Variants in ZPLD1 observed in about 807,000 individuals in gnomAD.
ZPLD1 encodes the protein zona pellucida like domain containing 1.
In ZPLD1, 34 loss-of-function variants were observed where a neutral mutation model predicts 47.2. That is an observed-to-expected ratio of 0.72 (90% CI 0.55 to 0.96). ZPLD1 has a LOEUF of 0.96. ZPLD1 is among the 40% of genes least tolerant of loss of function. The probability of loss-of-function intolerance (pLI) is 0.00; values close to 1 mark genes in which losing one functional copy is unlikely to be tolerated. For missense variants in ZPLD1, 512 were observed against 505.8 expected (o/e 1.01, Z -0.12); for synonymous variants, 176 against 186.2 (o/e 0.95, Z 0.45).
chr3:102,455,174 TTACTC>T (rs1398449412), intron 4 of ZPLD1, among the ~76,000 whole-genome samples: 3 of 152,220 alleles, frequency 2.0e-5, no homozygotes, highest in Non-Finnish European at 4.4e-5. Flanking sequence ...TGCATAAAGT[TTACTC>T]TATTGTTGAA....
chr3:102,398,741 T>G (rs556310917), intron 7 of ZPLD1, among the ~76,000 whole-genome samples: 73 of 152,288 alleles, frequency 4.8e-4, no homozygotes, highest in African/African-American at 1.7e-3. Context: ...GTAAAGATCA[T>G]GCCTTTTAAA....
chr3:102,429,242 C>G (rs1307908725), intron 8 of ZPLD1, among the ~76,000 whole-genome samples: 2 of 152,146 alleles, frequency 1.3e-5, no homozygotes, highest in Non-Finnish European at 2.9e-5. Context: ...ACACATTACC[C>G]AATTCTCTCT....
chr3:102,424,808 C>T (rs982198975), intron 8 of ZPLD1, among the ~76,000 whole-genome samples: 2 of 152,180 alleles, frequency 1.3e-5, no homozygotes, highest in African/African-American at 4.8e-5. Context: ...TCTATTTGCT[C>T]CTATACTATG....
At chr3:102,476,357 A>G (rs1485678039) in intron 10 of ZPLD1, among the ~76,000 whole-genome samples, 1 of 152,178 alleles carries the variant, frequency 6.6e-6, no homozygotes, top group Non-Finnish European at 1.5e-5. Context: ...TTGGGAAATC[A>G]AGTAATATGT....
At chr3:102,391,902 T>A (rs989687273) in intron 6 of ZPLD1, among the ~76,000 whole-genome samples, 1 of 152,150 alleles carries the variant, frequency 6.6e-6, no homozygotes, top group Admixed American at 6.6e-5. Context: ...ATGTGCAGGC[T>A]AAATAGTCTC....
chr3:102,433,671 C>A (rs1212898614), upstream of ZPLD1, among the ~76,000 whole-genome samples: 2 of 152,148 alleles, frequency 1.3e-5, no homozygotes, highest in Non-Finnish European at 2.9e-5. Context: ...GGGACTAAGG[C>A]ACCCGCCACC....
chr3:102,438,332 C>T (rs934503556), intron 2 of ZPLD1, 148 bp from the exon 3 acceptor site: 35 of 574,406 alleles, frequency 6.1e-5, no homozygotes, highest in African/African-American at 1.3e-4. Flanking sequence ...CCTTTACTAC[C>T]GATAATCCTC....
At chr3:102,440,175 C>G (rs896305613) in intron 3 of ZPLD1, among the ~76,000 whole-genome samples, 1 of 152,182 alleles carries the variant, frequency 6.6e-6, no homozygotes, top group Admixed American at 6.5e-5. Context: ...AATCAAGAGT[C>G]ACTGAGTCTT....
At chr3:102,450,918 T>A (rs1707328186) in intron 3 of ZPLD1, among the ~76,000 whole-genome samples, 1 of 152,240 alleles carries the variant, frequency 6.6e-6, no homozygotes, top group Non-Finnish European at 1.5e-5. Flanking sequence ...GTTGCCGAAG[T>A]ATGAAGATAC....
In ZPLD1 at chr3:102,453,151, G is replaced by C; in HGVS notation, c.327+12G>C. On this transcript the variant is annotated intron_variant, in intron 4 of 11. Transcript: ENST00000466937. Reference sequence around the variant, plus strand: ...GAAACAACCTGGTGGTAAGATTAGTGTGACATTGTGTGCTAGGTCTGGGGT... The same window carrying C: ...GAAACAACCTGGTGGTAAGATTAGTCTGACATTGTGTGCTAGGTCTGGGGT... 6.2e-7 allele frequency: 1 copy of C among 1,609,280 alleles called. No homozygotes were observed. The highest frequency in any genetic ancestry group is 8.5e-7 in the Non-Finnish European group (1 of 1,175,868).
rs539170522 is a variant in ZPLD1 at position 102,408,243 on chromosome 3, A to G, written c.-156-9817A>G. Reference sequence around the variant, plus strand: ...TTACCCTTCTAGACCTTATGTTTCAATTCTAGAAGGAGAAAAAGGGAAAAA... The same window carrying G: ...TTACCCTTCTAGACCTTATGTTTCAGTTCTAGAAGGAGAAAAAGGGAAAAA... On this transcript the variant is annotated intron_variant, in intron 7 of 17. Transcript: ENST00000491959. Among the ~76,000 whole-genome samples, 13 of 151,842 alleles carry G rather than the reference A, an allele frequency of 8.6e-5. No individual in the cohort carries two copies. In the South Asian group the frequency reaches 1.9e-3, roughly 22 times the overall value.
intron 7 of ZPLD1, among the ~76,000 whole-genome samples, chr3:102,416,894 C>G (rs1343390123): frequency 1.3e-5 from 2 of 151,886 alleles, no homozygotes; most frequent in African/African-American, 2.4e-5. Flanking sequence ...AGCTCTCACT[C>G]AACACTAAAC....
chr3:102,472,062 CA>C (rs1707693730), intron 10 of ZPLD1, among the ~76,000 whole-genome samples: 1 of 152,072 alleles, frequency 6.6e-6, no homozygotes, highest in Admixed American at 6.6e-5. Flanking sequence ...GGTTTTGGCC[CA>C]AAAAATTCAG....
At chr3:102,412,469 A>G (rs1417119403) in intron 7 of ZPLD1, among the ~76,000 whole-genome samples, 2 of 151,764 alleles carry the variant, frequency 1.3e-5, no homozygotes, top group African/African-American at 4.8e-5. Flanking sequence ...AGAAGTGAAC[A>G]TGATATTAGG....
intron 6 of ZPLD1, among the ~76,000 whole-genome samples, chr3:102,391,826 A>G (rs1706498628): frequency 1.3e-5 from 2 of 152,108 alleles, no homozygotes; most frequent in African/African-American, 4.8e-5. Context: ...TGTATCAGGG[A>G]ATCAGACAAC....
At chr3:102,445,046 A>G (rs999046842) in intron 3 of ZPLD1, among the ~76,000 whole-genome samples, 12 of 152,160 alleles carry the variant, frequency 7.9e-5, no homozygotes, top group Admixed American at 7.9e-4. Flanking sequence ...TGCTACAGGC[A>G]CCACCACTGC....
chr3:102,470,599 A>G, intron 10 of ZPLD1, 97 bp downstream of exon 10: 1 of 873,190 alleles, frequency 1.1e-6, no homozygotes, highest in Non-Finnish European at 1.8e-6. Flanking sequence ...CCTAAACAGC[A>G]CTAATTAATT....
intron 10 of ZPLD1, 122 bp from the exon 11 acceptor site, chr3:102,476,890 G>A (rs1433779067): frequency 4.4e-6 from 5 of 1,139,686 alleles, no homozygotes; most frequent in Non-Finnish European, 6.5e-6. Flanking sequence ...GGAGATTATG[G>A]GTGGACGTAA....
chr3:102,470,684 G>A (rs1341962342), intron 10 of ZPLD1, among the ~76,000 whole-genome samples, 182 bp downstream of exon 10: 1 of 151,844 alleles, frequency 6.6e-6, no homozygotes. Flanking sequence ...CACACAAAGG[G>A]CAATATTGTC....
Sources: gnomAD v4.1 joint callset for allele counts (sites outside exome capture counted in the v4.1 genomes callset) on GRCh38, gnomAD v4.1.1 for gene constraint, MANE v1.5 for transcripts, NCBI Gene and HGNC (gene_info 2026-07-23, HGNC 2026-07-21) for gene names.